Variants in FANCA observed in about 807,000 individuals in gnomAD.
The protein encoded by FANCA is Fanconi anemia group A protein.
Under a neutral mutation model 194.3 loss-of-function variants are expected in FANCA, and 236 were observed. The ratio of observed to expected loss-of-function variants is 1.21; its 90% CI spans 1.09 to 1.35. The LOEUF is 1.35. FANCA is among the 40% of genes most tolerant of loss of function. FANCA has a pLI of 0.00. For missense variants in FANCA, 2,628 were observed against 1,813.9 expected (o/e 1.45, Z -8.15); for synonymous variants, 1,014 against 715.8 (o/e 1.42, Z -6.65).
intron 2 of FANCA, 75 bp downstream of exon 2, chr16:89,815,802 G>A: frequency 8.3e-7 from 1 of 1,198,114 alleles, no homozygotes; most frequent in Non-Finnish European, 1.2e-6. Flanking sequence ...GTTTTCTTAG[G>A]AAAGCTGTGC....
At position 89,739,753 on chromosome 16, in the gene FANCA, G is replaced by A. The variant is rs940271022; in HGVS notation, c.3935-200C>T. On this transcript the variant is annotated intron_variant, in intron 39 of 42. Transcript: ENST00000389301. ...GGGGGGGTCGACCTCTTGCAGGAGGGTGGGTGTGGTGCAGAGAGAGGCAGT... is the reference window on the plus strand; with the variant it reads ...GGGGGGGTCGACCTCTTGCAGGAGGATGGGTGTGGTGCAGAGAGAGGCAGT... The A allele has an allele frequency of 6.7e-6, 10 of 1,486,308 alleles. No individual in the cohort carries two copies. In the African/African-American group the frequency reaches 1.2e-4, roughly 19 times the overall value. 92.1% of individuals were successfully genotyped at this position (1,486,308 alleles called of 1,614,324 possible).
chr16:89,774,812 G>A (rs937718091), intron 21 of FANCA, among the ~76,000 whole-genome samples: 18 of 150,166 alleles, frequency 1.2e-4, no homozygotes, highest in African/African-American at 4.4e-4. Context: ...GCACACAAGG[G>A]GCTGGGTACG....
chr16:89,760,456 C>T (rs1418980032), intron 29 of FANCA, among the ~76,000 whole-genome samples: 1 of 152,196 alleles, frequency 6.6e-6, no homozygotes, highest in Non-Finnish European at 1.5e-5. Flanking sequence ...GGACGAGGAG[C>T]ACAGGGTGGC....
At chr16:89,754,783 G>C (rs1230689098) in intron 30 of FANCA, among the ~76,000 whole-genome samples, 2 of 152,160 alleles carry the variant, frequency 1.3e-5, no homozygotes, top group Non-Finnish European at 2.9e-5. Context: ...CTATACGTTA[G>C]CAACAAATGA....
At position 89,799,238 on chromosome 16, in the gene FANCA, G is replaced by A. The variant is rs756991336; in HGVS notation, c.827-6C>T. ...AGCCAAAGCGTCAAGTGCAACTGAA[G>A]ACAGAGCCAGGAACAGAAAACAGAT... On this transcript the variant is annotated splice_polypyrimidine_tract_variant and splice_region_variant and intron_variant, in intron 9 of 42. Coordinates refer to ENST00000389301, the MANE Select transcript of FANCA (RefSeq NM_000135.4). The A allele has an allele frequency of 5.0e-6, 8 of 1,613,812 alleles. No individual in the cohort carries two copies. The highest frequency in any genetic ancestry group is 6.8e-6 in the Non-Finnish European group (8 of 1,180,050).
chr16:89,753,038 T>G (rs1295255050), intron 30 of FANCA, among the ~76,000 whole-genome samples: 2 of 152,244 alleles, frequency 1.3e-5, no homozygotes, highest in Admixed American at 1.3e-4. Context: ...TCCACCTTCA[T>G]GTTCCATCCT....
intron 28 of FANCA, among the ~76,000 whole-genome samples, chr16:89,763,255 A>C (rs1217519215): frequency 6.6e-6 from 1 of 152,100 alleles, no homozygotes; most frequent in African/African-American, 2.4e-5. Context: ...TCCAAAAAAA[A>C]AAATAATAAT....
At chr16:89,768,950 C>G (rs2039224280) in intron 26 of FANCA, among the ~76,000 whole-genome samples, 2 of 152,028 alleles carry the variant, frequency 1.3e-5, no homozygotes. Flanking sequence ...TGAGTGGGGA[C>G]TGTCTGGTGT....
chr16:89,762,869 G>A (rs1202261213), intron 28 of FANCA: 22 of 356,690 alleles, frequency 6.2e-5, no homozygotes, highest in South Asian at 1.8e-4. Flanking sequence ...TTGGGAGGCC[G>A]AGGCAGGCAG....
At chr16:89,778,543 G>A in intron 20 of FANCA, 2 of 429,268 alleles carry the variant, frequency 4.7e-6, no homozygotes, top group South Asian at 2.3e-5. Context: ...CAAGAGAATC[G>A]CTTGAACCTA....
rs769919783 is a variant in FANCA, at chr16:89,742,862, G to C, written c.3703C>G (p.Gln1235Glu). 1.3e-5 allele frequency: 21 copies of C among 1,614,138 alleles called. No homozygotes were observed. Among genetic ancestry groups the C allele is most frequent in the Non-Finnish European group, 1.7e-5 (20 of 1,180,026 alleles). The part of the protein sequence containing the change: ...LSAAALHFAI[Q>E]QVREENIRKQ... ...CTGATGTTTTCTTCCCTGACTTGTT[G>C]AATCGCAAAGTGCAGTGCAGCAGCT... Residue 1235 changes from glutamine (Q) to glutamate (E), a missense_variant, in exon 37 of 43, where the codon CAA becomes GAA. Physicochemically the swap from Gln to Glu is conservative, Grantham distance 29. Coordinates refer to ENST00000389301, the MANE Select transcript of FANCA (RefSeq NM_000135.4).
chr16:89,755,669 A>G (rs767733949), intron 30 of FANCA, among the ~76,000 whole-genome samples: 10 of 152,268 alleles, frequency 6.6e-5, no homozygotes, highest in Non-Finnish European at 1.0e-4. Flanking sequence ...TACAAATCAT[A>G]TATTTGATAA....
At chr16:89,756,418 C>G (rs1211321163) in intron 30 of FANCA, among the ~76,000 whole-genome samples, 1 of 152,168 alleles carries the variant, frequency 6.6e-6, no homozygotes, top group Non-Finnish European at 1.5e-5. Flanking sequence ...CACCTGAGGT[C>G]AGAAGTTCAA....
At position 89,784,907 on chromosome 16, in the gene FANCA, G is replaced by A; in HGVS notation, c.1417C>T (p.Leu473=). 3.1e-6 allele frequency: 5 copies of A among 1,614,190 alleles called. No individual in the cohort carries two copies. The highest frequency in any genetic ancestry group is 3.4e-6 in the Non-Finnish European group (4 of 1,180,030). ...ACGAGTTCTGACAAGAACGTAAACA[G>A]GAAGACCAGGGCCTTCTTGCTGCAG... The part of the protein sequence containing the change: ...HGCSKKALVF[L]FTFLSELVPF... Residue 473 remains leucine (L), a synonymous_variant, in exon 15 of 43, where the codon CTG becomes TTG. Transcript: ENST00000389301.
intron 20 of FANCA, among the ~76,000 whole-genome samples, chr16:89,776,588 G>A (rs1482754787): frequency 3.9e-5 from 6 of 152,102 alleles, no homozygotes; most frequent in Non-Finnish European, 8.8e-5. Context: ...AGCACTTTGG[G>A]AGGCCGAGGC....
intron 33 of FANCA, 152 bp from the exon 34 acceptor site, chr16:89,747,042 T>C: frequency 1.3e-6 from 1 of 763,222 alleles, no homozygotes. Context: ...TGACCGGGCC[T>C]GGCGCCCTGG....
intron 6 of FANCA, among the ~76,000 whole-genome samples, chr16:89,806,456 G>T (rs993395380): frequency 1.4e-5 from 2 of 147,588 alleles, no homozygotes; most frequent in South Asian, 4.3e-4. Flanking sequence ...ATAAACAAGT[G>T]AACAAAGGTC....
chr16:89,781,363 C>CAAAAACAAAAAAA (rs1567627447), intron 17 of FANCA, among the ~76,000 whole-genome samples: 2 of 60,398 alleles, frequency 3.3e-5, no homozygotes, highest in Non-Finnish European at 5.9e-5. Context: ...GACTCCATTC[C>CAAAAACAAAAAAA]AAAAAAAAAA....
intron 22 of FANCA, among the ~76,000 whole-genome samples, 180 bp from the exon 23 acceptor site, chr16:89,771,994 G>C (rs1396710020): frequency 6.6e-6 from 1 of 152,184 alleles, no homozygotes; most frequent in Non-Finnish European, 1.5e-5. Flanking sequence ...CAGCCTTGTG[G>C]TGCAGCATGT....
Sources: gnomAD v4.1 joint callset for allele counts (sites outside exome capture counted in the v4.1 genomes callset) on GRCh38, gnomAD v4.1.1 for gene constraint, MANE v1.5 for transcripts, NCBI Gene and HGNC (gene_info 2026-07-23, HGNC 2026-07-21) for gene names.